Variants in MAU2 observed in about 807,000 individuals in gnomAD.
MAU2 encodes the protein MAU2 chromatid cohesion factor homolog.
In MAU2, 9 loss-of-function variants were observed where a neutral mutation model predicts 89.1. That is an observed-to-expected ratio of 0.10 (90% CI 0.06 to 0.18). The LOEUF is 0.18. MAU2 is among the 10% of genes least tolerant of loss of function. The pLI is 1.00. For missense variants in MAU2, 425 were observed against 803.5 expected (o/e 0.53, Z 5.69); for synonymous variants, 357 against 343.4 (o/e 1.04, Z -0.44).
rs756775598 is a variant in MAU2 at position 19,355,915 on chromosome 19, G to A, written c.*133G>A. ...GAGCTTCCAAGTCCTGGGAATGTGC[G>A]GGGCCAGTCCCTGCCCTCCCAGGAG... is the stretch of plus-strand genomic sequence containing the variant. On this transcript the variant is annotated 3_prime_UTR_variant, in exon 19 of 19. Transcript: ENST00000262815. 131 of 892,668 alleles carry A rather than the reference G, an allele frequency of 1.5e-4. No homozygotes were observed. The highest frequency in any genetic ancestry group is 2.0e-4 in the Non-Finnish European group (110 of 551,718). 55.3% of individuals were successfully genotyped at this position (892,668 alleles called of 1,614,324 possible). A position where few individuals can be genotyped will look rare whatever the true frequency, so the allele number is the denominator to read the frequency against.
At chr19:19,354,921 T>C (rs1236232989) in intron 17 of MAU2, among the ~76,000 whole-genome samples, 1 of 152,142 alleles carries the variant, frequency 6.6e-6, no homozygotes, top group Non-Finnish European at 1.5e-5. Flanking sequence ...GGGTGCTCCA[T>C]GTGCAGTGGG....
At chr19:19,323,080 G>A (rs117149976) in intron 1 of MAU2, among the ~76,000 whole-genome samples, 2,635 of 150,258 alleles carry the variant, frequency 0.018, 91 homozygotes, top group South Asian at 0.11. Flanking sequence ...TAGTAGAGAC[G>A]GGTTCACAGT....
At chr19:19,322,256 C>A (rs1180851090) in intron 1 of MAU2, among the ~76,000 whole-genome samples, 1 of 152,180 alleles carries the variant, frequency 6.6e-6, no homozygotes, top group Non-Finnish European at 1.5e-5. Context: ...CCTCGGCCTC[C>A]CACAGTGCTG....
chr19:19,343,753 A>G lies in MAU2; in HGVS notation c.974-84A>G, dbSNP rs1240405551. On this transcript the variant is annotated intron_variant, in intron 9 of 18. Coordinates refer to ENST00000262815, the MANE Select transcript of MAU2 (RefSeq NM_015329.4). The stretch of plus-strand genomic sequence containing the variant: ...GTGCCTAGCCAGTGTGGCAGGAGAC[A>G]GGAACGAGGTGGGGGCACGGTGGGC... 5.2e-6 allele frequency: 5 copies of G among 962,486 alleles called. No homozygotes were observed. In the African/African-American group the frequency reaches 8.0e-5, roughly 15 times the overall value. The allele number at this position is 962,486 out of a possible 1,614,324, so 59.6% of individuals were successfully genotyped here. A position where few individuals can be genotyped will look rare whatever the true frequency, so the allele number is the denominator to read the frequency against.
rs147330779 is a variant in MAU2 at position 19,337,727 on chromosome 19, A to G, written c.456+462A>G. Among the ~76,000 whole-genome samples, 805 of 152,220 alleles carry G rather than the reference A, an allele frequency of 5.3e-3. 3 individuals are homozygous for G. The highest frequency in any genetic ancestry group is 0.03 in the South Asian group (147 of 4,824). Reference sequence around the variant, plus strand: ...CAGGCCACAAATGGCCATGTCAAGCATTGTGTCCCACATGGGGCCCCTCAC... The same window carrying G: ...CAGGCCACAAATGGCCATGTCAAGCGTTGTGTCCCACATGGGGCCCCTCAC... On this transcript the variant is annotated intron_variant, in intron 4 of 18. Transcript: ENST00000262815.
chr19:19,324,665 G>C (rs1338040878), intron 1 of MAU2, among the ~76,000 whole-genome samples: 2 of 152,166 alleles, frequency 1.3e-5, no homozygotes, highest in African/African-American at 4.8e-5. Context: ...CCTTCTCCTT[G>C]CGAAGTGCCT....
intron 13 of MAU2, chr19:19,348,529 G>A: frequency 2.2e-6 from 1 of 447,640 alleles, no homozygotes; most frequent in East Asian, 4.7e-5. Context: ...TGCACCTCCA[G>A]AGAAATCCCA....
rs2048190850 is a variant in MAU2 at position 19,357,308 on chromosome 19, T to C, written c.*1526T>C. The stretch of plus-strand genomic sequence containing the variant: ...TCTCCAGGGGGAGAGCCTGGCCCTG[T>C]CCTTTGCTACCCAGGGCTGCCCCCA... On this transcript the variant is annotated 3_prime_UTR_variant, in exon 19 of 19. Coordinates refer to ENST00000262815, the MANE Select transcript of MAU2 (RefSeq NM_015329.4). The C allele has an allele frequency of 6.6e-6, 1 of 152,318 alleles. No homozygotes were observed. Among genetic ancestry groups the C allele is most frequent in the African/African-American group, 2.4e-5 (1 of 41,396 alleles). 9.4% of individuals were successfully genotyped at this position (152,318 alleles called of 1,614,324 possible). A position where few individuals can be genotyped will look rare whatever the true frequency, so the allele number is the denominator to read the frequency against.
At chr19:19,351,457 C>T (rs1318058507) in intron 16 of MAU2, among the ~76,000 whole-genome samples, 8 of 149,476 alleles carry the variant, frequency 5.4e-5, no homozygotes, top group African/African-American at 7.4e-5. Flanking sequence ...ATCATTTGAG[C>T]GCAGGAATTC....
At chr19:19,344,030 A>C in intron 10 of MAU2, 90 bp downstream of exon 10, 1 of 1,028,632 alleles carries the variant, frequency 9.7e-7, no homozygotes, top group Non-Finnish European at 1.5e-6. Flanking sequence ...CCAAGTGCAT[A>C]CTGGCAGGCC....
intron 1 of MAU2, among the ~76,000 whole-genome samples, chr19:19,328,612 G>A (rs569090091): frequency 1.2e-4 from 18 of 152,028 alleles, no homozygotes; most frequent in South Asian, 6.2e-4. Flanking sequence ...TAGTAGAGAC[G>A]GGGTTTCACC....
chr19:19,331,941 G>A (rs1478310081), intron 1 of MAU2, among the ~76,000 whole-genome samples: 1 of 152,170 alleles, frequency 6.6e-6, no homozygotes, highest in East Asian at 1.9e-4. Flanking sequence ...TTTAAAGACA[G>A]GGAGAAATCC....
intron 13 of MAU2, 75 bp from the exon 14 acceptor site, chr19:19,348,814 T>C (rs2061716701): frequency 6.8e-7 from 1 of 1,477,276 alleles, no homozygotes; most frequent in Admixed American, 1.7e-5. Context: ...GAAATTCCCA[T>C]GCACTGCAGT....
At chr19:19,337,084 C>A in intron 3 of MAU2, 86 bp from the exon 4 acceptor site, 1 of 1,021,304 alleles carries the variant, frequency 9.8e-7, no homozygotes, top group Non-Finnish European at 1.5e-6. Context: ...CCTTCTGGCA[C>A]CACAGCTGCT....
rs1447876714 is a variant in MAU2 at position 19,345,286 on chromosome 19, A to G, written c.1156-18A>G. On this transcript the variant is annotated intron_variant, in intron 11 of 18. Transcript: ENST00000262815. This position sits in a 1 kb window ranked among gnomAD's most constrained non-coding sequence, Gnocchi z 4.9. ...CTCCCCAGGGGCCGGCCCTGATGAC[A>G]ACACCACCTTCTTCCAGGGCCTGTA... 5.0e-6 allele frequency: 8 copies of G among 1,612,742 alleles called. No homozygotes were observed. The Admixed American group carries it at 6.7e-5, about 13-fold the overall frequency.
chr19:19,354,478 C>T (rs2048154450), intron 17 of MAU2, 33 bp downstream of exon 17: 1 of 1,570,960 alleles, frequency 6.4e-7, no homozygotes, highest in African/African-American at 1.3e-5. Context: ...TTCCCCAGCC[C>T]CAGCCTGGCC....
At chr19:19,354,246 TG>T in intron 16 of MAU2, 108 bp from the exon 17 acceptor site, 1 of 774,694 alleles carries the variant, frequency 1.3e-6, no homozygotes, top group African/African-American at 1.7e-5. Flanking sequence ...GGTCACAACC[TG>T]GGCTGGGTTC....
In MAU2 at chr19:19,347,277, C is replaced by T. The variant is rs1388935456; in HGVS notation, c.1222-3C>T. 2 of 1,612,902 alleles carry T rather than the reference C, an allele frequency of 1.2e-6. No individual in the cohort carries two copies. Among genetic ancestry groups the T allele is most frequent in the East Asian group, 2.2e-5 (1 of 44,870 alleles). ...CCCCTAATGTCCCCGCCTCCCATTC[C>T]AGCTCACCAACCACCAGGAGCTGTG... On this transcript the variant is annotated splice_polypyrimidine_tract_variant and splice_region_variant and intron_variant, in intron 12 of 18. Coordinates refer to ENST00000262815, the MANE Select transcript of MAU2 (RefSeq NM_015329.4).
intron 2 of MAU2, 26 bp downstream of exon 2, chr19:19,335,761 C>G (rs760107950): frequency 1.2e-6 from 2 of 1,611,596 alleles, no homozygotes; most frequent in East Asian, 4.5e-5. Flanking sequence ...TGGTATGGTT[C>G]CCTTTAAGGA....
Sources: allele counts gnomAD v4.1 joint callset (sites outside exome capture counted in the v4.1 genomes callset), GRCh38; gene constraint gnomAD v4.1.1; non-coding constraint Gnocchi (gnomAD v3.1); transcripts MANE v1.5; gene names NCBI Gene and HGNC (gene_info 2026-07-23, HGNC 2026-07-21).